Variants in ADH5 observed in about 807,000 individuals in gnomAD.
ADH5 encodes the protein alcohol dehydrogenase 5 (class III), chi polypeptide, also known as alcohol dehydrogenase class-3.
Under a neutral mutation model 40.3 loss-of-function variants are expected in ADH5, and 32 were observed. The ratio of observed to expected loss-of-function variants is 0.79; its 90% CI spans 0.60 to 1.07. The LOEUF (loss-of-function observed/expected upper bound fraction) is 1.07. ADH5 is among the 50% of genes least tolerant of loss of function. The pLI, the probability that ADH5 is intolerant of heterozygous loss-of-function variation, is 0.00. For synonymous variants in ADH5, 125 were observed against 154.3 expected, an observed-to-expected ratio of 0.81 and a Z score of 1.41; for missense variants, 353 against 460.5, an observed-to-expected ratio of 0.77 and a Z score of 2.14.
intron 2 of ADH5, among the ~76,000 whole-genome samples, chr4:99,082,771 G>A (rs1043744122): frequency 6.6e-6 from 1 of 152,100 alleles, no homozygotes; most frequent in African/African-American, 2.4e-5. Context: ...CCGCCTCCTG[G>A]GTTCAAGTGA....
intron 7 of ADH5, among the ~76,000 whole-genome samples, chr4:99,073,153 A>G (rs1225139509): frequency 6.7e-6 from 1 of 150,328 alleles, no homozygotes; most frequent in East Asian, 2.0e-4. Context: ...TGAAAAATGA[A>G]GTAGAACTCT....
intron 2 of ADH5, among the ~76,000 whole-genome samples, chr4:99,084,685 C>A (rs912609829): frequency 1.3e-5 from 2 of 152,208 alleles, no homozygotes; most frequent in Admixed American, 6.5e-5. Flanking sequence ...ATCCTATGAA[C>A]TCACTCCAAA....
chr4:99,081,266 TA>T, intron 4 of ADH5, 98 bp downstream of exon 4: 1 of 742,322 alleles, frequency 1.3e-6, no homozygotes, highest in Middle Eastern at 3.7e-4. Flanking sequence ...TTAATGAACC[TA>T]AATTATTAAA....
Position 99,077,236 on chromosome 4 carries a change from C to T in ADH5, c.345-313G>A, listed in dbSNP as rs188484952. ...TTATTTTAAAATCCCATCATTAAAA[C>T]GGTGGGCCAGGTGCAGTGGCTCACT... On this transcript the variant is annotated intron_variant, in intron 4 of 8. Coordinates refer to ENST00000296412, the MANE Select transcript of ADH5 (RefSeq NM_000671.4). Among the ~76,000 whole-genome samples, 376 of 152,204 alleles carry T rather than the reference C, an allele frequency of 2.5e-3. 3 individuals are homozygous for T. The highest frequency in any genetic ancestry group is 2.9e-3 in the Non-Finnish European group (195 of 68,000).
chr4:99,081,845 A>ATTG (rs1185798135), intron 3 of ADH5, 130 bp downstream of exon 3: 1 of 907,442 alleles, frequency 1.1e-6, no homozygotes, highest in Non-Finnish European at 1.6e-6. Context: ...CAGATGAGGA[A>ATTG]TCAACTTAAT....
At position 99,081,411 on chromosome 4, in the gene ADH5, A is replaced by G; in HGVS notation, c.298T>C (p.Cys100Arg). Residue 100 changes from cysteine to arginine, a missense_variant, in exon 4 of 9, where the codon TGC becomes CGC. Transcript: ENST00000296412. ...IPLYIPQCGE[C>R]KFCLNPKTNL... is the part of the protein sequence containing the mutation. ...GTTTTAGGATTTAGACAAAATTTGC[A>G]TTCTCCACACTGTGGGATGTAAAGT... 6.2e-7 allele frequency: 1 copy of G among 1,610,028 alleles called. No individual in the cohort carries two copies. The highest frequency in any genetic ancestry group is 8.5e-7 in the Non-Finnish European group (1 of 1,178,020).
intron 4 of ADH5, among the ~76,000 whole-genome samples, chr4:99,077,741 T>C (rs1163010891): frequency 6.6e-6 from 1 of 152,180 alleles, no homozygotes; most frequent in African/African-American, 2.4e-5. Flanking sequence ...GTTACACCAA[T>C]AGGAAAGAAA....
intron 2 of ADH5, among the ~76,000 whole-genome samples, chr4:99,084,439 A>G (rs966604947): frequency 2.6e-5 from 4 of 152,226 alleles, no homozygotes; most frequent in African/African-American, 4.8e-5. Flanking sequence ...CGAGTTTACA[A>G]ATGCCATGGC....
At chr4:99,080,022 G>A (rs1727999010) in intron 4 of ADH5, 1 of 454,064 alleles carries the variant, frequency 2.2e-6, no homozygotes, top group Non-Finnish European at 4.4e-6. Context: ...TTTATGGTTT[G>A]CTTTATAAAA....
Position 99,071,197 on chromosome 4 carries a change from A to C in ADH5, c.*1220T>G, listed in dbSNP as rs1727827178. The stretch of plus-strand genomic sequence containing the variant: ...CACAATAAAATGTCCATTAGAATGA[A>C]GGATTTAACGAGAATTGAGGAAAAT... On this transcript the variant is annotated 3_prime_UTR_variant, in exon 9 of 9. Coordinates refer to ENST00000296412, the MANE Select transcript of ADH5 (RefSeq NM_000671.4). 6.6e-6 allele frequency: 1 copy of C among 152,260 alleles called. No homozygotes were observed. Among genetic ancestry groups the C allele is most frequent in the Admixed American group, 6.5e-5 (1 of 15,280 alleles). The allele number at this position is 152,260 out of a possible 1,614,324, so 9.4% of individuals were successfully genotyped here. A position where few individuals can be genotyped will look rare whatever the true frequency, so the allele number is the denominator to read the frequency against.
intron 6 of ADH5, chr4:99,075,548 CAT>C (rs1727909359): frequency 1.3e-5 from 2 of 152,180 alleles, no homozygotes. Context: ...TAAATATTAA[CAT>C]AAATTAAAAT....
intron 4 of ADH5, among the ~76,000 whole-genome samples, chr4:99,079,116 A>C (rs879660168): frequency 6.6e-6 from 1 of 152,248 alleles, no homozygotes; most frequent in Admixed American, 6.5e-5. Flanking sequence ...CTGTAGATGC[A>C]TATCTTACGA....
intron 4 of ADH5, among the ~76,000 whole-genome samples, chr4:99,078,005 GCT>G (rs1727960356): frequency 6.6e-6 from 1 of 152,156 alleles, no homozygotes; most frequent in Non-Finnish European, 1.5e-5. Context: ...GTTATATGAG[GCT>G]TTAGCATTGT....
In ADH5 at chr4:99,076,804, A is replaced by G. The variant is rs376467311; in HGVS notation, c.464T>C (p.Ile155Thr). 320 of 1,613,914 alleles carry G rather than the reference A, an allele frequency of 2.0e-4. No individual in the cohort carries two copies. The highest frequency in any genetic ancestry group is 2.5e-4 in the Non-Finnish European group (300 of 1,179,892). Reference sequence around the variant, plus strand: ...TAAAGGATCTATTTTAGCAACAGAGATATCAGCCACAACTGTGTATTCAGA... The same window carrying G: ...TAAAGGATCTATTTTAGCAACAGAGGTATCAGCCACAACTGTGTATTCAGA... ...TFSEYTVVAD[I>T]SVAKIDPLAP... is the part of the protein sequence containing the mutation. Residue 155 changes from isoleucine (I) to threonine (T), a missense_variant, in exon 5 of 9, where the codon ATC (isoleucine) becomes ACC (threonine). Physicochemically the swap from Ile to Thr is moderately conservative, Grantham distance 89 (BLOSUM62 -1). Coordinates refer to ENST00000296412, the MANE Select transcript of ADH5 (RefSeq NM_000671.4).
Position 99,082,077 on chromosome 4 carries a change from G to C in ADH5, c.154C>G (p.Leu52Val). The change falls in exon 3 of 9, where the codon CTG (leucine) becomes GTG (valine). Residue 52 changes from leucine to valine, a missense_variant. Leu to Val is a conservative substitution (Grantham distance 32, BLOSUM62 1). Transcript: ENST00000296412. ...TAVCHTDAYTLSGADPEGCFP... is the reference protein window; with the variant it reads ...TAVCHTDAYTVSGADPEGCFP... ...CAACCCTCAGGATCAGCTCCACTCA[G>C]GGTATAGGCATCGGTGTGGCAAACC... 6.2e-7 allele frequency: 1 copy of C among 1,613,936 alleles called. No homozygotes were observed. Among genetic ancestry groups the C allele is most frequent in the Non-Finnish European group, 8.5e-7 (1 of 1,179,850 alleles).
chr4:99,075,336 C>T (rs1579361089), intron 6 of ADH5: 2 of 178,212 alleles, frequency 1.1e-5, no homozygotes, highest in East Asian at 2.8e-4. Context: ...ATTCTCGTGC[C>T]TCAGCCTCCC....
intron 1 of ADH5, among the ~76,000 whole-genome samples, chr4:99,088,242 G>A (rs1203515390): frequency 6.6e-6 from 1 of 152,196 alleles, no homozygotes; most frequent in Non-Finnish European, 1.5e-5. Context: ...TAATTAAGGC[G>A]TAGGCTCAAT....
chr4:99,084,278 A>G lies in ADH5; in HGVS notation c.114+837T>C, dbSNP rs554012421. Among the ~76,000 whole-genome samples, 8 of 152,218 alleles carry G rather than the reference A, an allele frequency of 5.3e-5. No homozygotes were observed. In the East Asian group the frequency reaches 1.5e-3, roughly 29 times the overall value. On this transcript the variant is annotated intron_variant, in intron 2 of 8. Coordinates refer to ENST00000296412, the MANE Select transcript of ADH5 (RefSeq NM_000671.4). Reference sequence around the variant, plus strand: ...TTGGCACAAGACACATGTCACAAAGACCCTGCTGATAAGACAGGCTGGGGT... The same window carrying G: ...TTGGCACAAGACACATGTCACAAAGGCCCTGCTGATAAGACAGGCTGGGGT...
At chr4:99,073,884 A>T (rs1727876264) in intron 7 of ADH5, among the ~76,000 whole-genome samples, 1 of 152,230 alleles carries the variant, frequency 6.6e-6, no homozygotes, top group Non-Finnish European at 1.5e-5. Flanking sequence ...TTTAAAATAC[A>T]GCTATGGACT....
Sources: allele counts gnomAD v4.1 joint callset (sites outside exome capture counted in the v4.1 genomes callset), GRCh38; gene constraint gnomAD v4.1.1; transcripts MANE v1.5; gene names NCBI Gene and HGNC (gene_info 2026-07-23, HGNC 2026-07-21).